The following ZC3H12B variants were observed in gnomAD, a reference collection of about 807,000 sequenced individuals.
The protein encoded by ZC3H12B is zinc finger CCCH-type containing 12B.
Under a neutral mutation model 43.9 loss-of-function variants are expected in ZC3H12B, and 7 were observed. That is an observed-to-expected ratio of 0.16 (90% CI 0.09 to 0.30). The LOEUF (loss-of-function observed/expected upper bound fraction) is 0.30. ZC3H12B is among the 10% of genes least tolerant of loss of function. ZC3H12B has a pLI of 1.00. For missense variants in ZC3H12B, 475 were observed against 670.2 expected, an observed-to-expected ratio of 0.71 and a Z score of 3.22; for synonymous variants, 222 against 241.7, an observed-to-expected ratio of 0.92 and a Z score of 0.76.
the ZC3H12B span, among the ~76,000 whole-genome samples, chrX:65,246,358 G>C: frequency 1.8e-5 from 2 of 112,126 alleles, no homozygotes; most frequent in Non-Finnish European, 3.8e-5. Flanking sequence ...TTGATTCAAT[G>C]CTATTTTTAT....
chrX:65,354,079 A>C, the ZC3H12B span, among the ~76,000 whole-genome samples: 2 of 111,835 alleles, frequency 1.8e-5, no homozygotes, highest in Non-Finnish European at 3.8e-5. Flanking sequence ...CTTTGAAGGG[A>C]GAGCACCAGA....
the ZC3H12B span, among the ~76,000 whole-genome samples, chrX:65,179,559 G>GT: frequency 2.7e-5 from 3 of 110,341 alleles, no homozygotes; most frequent in South Asian, 3.9e-4. Flanking sequence ...TAGGAGCTGG[G>GT]TTTTTTAAAA....
At chrX:65,277,508 G>C in the ZC3H12B span, among the ~76,000 whole-genome samples, 2 of 111,589 alleles carry the variant, frequency 1.8e-5, no homozygotes, top group Non-Finnish European at 3.8e-5. Context: ...TCAAAATCAT[G>C]TCAAATATAT....
At chrX:65,158,569 T>C in the ZC3H12B span, among the ~76,000 whole-genome samples, 1 of 112,226 alleles carries the variant, frequency 8.9e-6, no homozygotes, top group Non-Finnish European at 1.9e-5. Flanking sequence ...ATAAATGTCT[T>C]CTTTTGAGAA....
At chrX:65,310,613 C>T in the ZC3H12B span, among the ~76,000 whole-genome samples, 1 of 111,887 alleles carries the variant, frequency 8.9e-6, no homozygotes, top group Non-Finnish European at 1.9e-5. Context: ...ATCAAGCTAC[C>T]AATGACTTTC....
chrX:65,451,531 G>A (rs1260043878), intron 3 of ZC3H12B, among the ~76,000 whole-genome samples: 4 of 110,385 alleles, frequency 3.6e-5, no homozygotes, highest in African/African-American at 1.3e-4. Context: ...TGTAGATATG[G>A]AGGTATCACT....
chrX:65,193,125 C>A, the ZC3H12B span, among the ~76,000 whole-genome samples: 1 of 81,310 alleles, frequency 1.2e-5, no homozygotes, highest in Non-Finnish European at 2.4e-5. Flanking sequence ...TTTTTTTTTT[C>A]TTTTAATGTG....
At chrX:65,200,426 CTTTTTT>C in the ZC3H12B span, among the ~76,000 whole-genome samples, 4 of 59,594 alleles carry the variant, frequency 6.7e-5, no homozygotes, top group African/African-American at 9.1e-5. Flanking sequence ...ATAGTTTCCT[CTTTTTT>C]TTTTTTTTTT....
At chrX:65,148,727 G>A in the ZC3H12B span, among the ~76,000 whole-genome samples, 1 of 111,677 alleles carries the variant, frequency 9.0e-6, no homozygotes, top group African/African-American at 3.3e-5. Flanking sequence ...TGTCTTTACT[G>A]CCCTTTTATT....
chrX:65,407,468 T>A (rs1186683930), intron 3 of ZC3H12B, among the ~76,000 whole-genome samples: 1 of 111,382 alleles, frequency 9.0e-6, no homozygotes, highest in Non-Finnish European at 1.9e-5. Flanking sequence ...CCTCAACCTC[T>A]CTCCCTTTTG....
chrX:65,329,758 T>A, the ZC3H12B span, among the ~76,000 whole-genome samples: 2 of 111,794 alleles, frequency 1.8e-5, no homozygotes, highest in Non-Finnish European at 3.8e-5. Flanking sequence ...AGTTTCAGCT[T>A]TCTACATATG....
chrX:65,159,346 A>C, the ZC3H12B span, among the ~76,000 whole-genome samples: 1 of 111,478 alleles, frequency 9.0e-6, no homozygotes, highest in Non-Finnish European at 1.9e-5. Flanking sequence ...TGAATCTATA[A>C]ATTACCTTGG....
At chrX:65,211,847 A>T in the ZC3H12B span, among the ~76,000 whole-genome samples, 10 of 79,388 alleles carry the variant, frequency 1.3e-4, no homozygotes, top group African/African-American at 4.1e-4. Context: ...AATATATAAT[A>T]TATGTTATGT....
the ZC3H12B span, among the ~76,000 whole-genome samples, chrX:65,347,481 A>G: frequency 1.8e-5 from 2 of 112,488 alleles, no homozygotes; most frequent in East Asian, 5.6e-4. Context: ...AGACACATGA[A>G]AAAATGCTCA....
the ZC3H12B span, among the ~76,000 whole-genome samples, chrX:65,051,190 A>C: frequency 9.0e-6 from 1 of 111,700 alleles, no homozygotes; most frequent in African/African-American, 3.2e-5. Context: ...TTTCTGTGGC[A>C]TCAGTTTTTA....
At chrX:65,451,227 G>C (rs142344223) in intron 3 of ZC3H12B, among the ~76,000 whole-genome samples, 1 of 110,817 alleles carries the variant, frequency 9.0e-6, no homozygotes, top group Non-Finnish European at 1.9e-5. Flanking sequence ...TGGGATTACA[G>C]GTGTGAGCCA....
At chrX:65,257,907 A>G in the ZC3H12B span, among the ~76,000 whole-genome samples, 2 of 111,524 alleles carry the variant, frequency 1.8e-5, no homozygotes, top group African/African-American at 6.5e-5. Flanking sequence ...ACCAACTGGA[A>G]GAAGCCCAAG....
chrX:65,037,766 T>G, the ZC3H12B span, among the ~76,000 whole-genome samples: 3 of 110,976 alleles, frequency 2.7e-5, no homozygotes, highest in Non-Finnish European at 5.7e-5. Context: ...TTAGGGAAAT[T>G]TTATAAGCAA....
the ZC3H12B span, among the ~76,000 whole-genome samples, chrX:65,319,766 A>G: frequency 1.8e-5 from 2 of 111,966 alleles, no homozygotes; most frequent in Non-Finnish European, 3.8e-5. Context: ...AATTAGGAAC[A>G]ACATACACAA....
Sources: gnomAD v4.1 joint callset for allele counts (sites outside exome capture counted in the v4.1 genomes callset) on GRCh38, gnomAD v4.1.1 for gene constraint, MANE v1.5 for transcripts, NCBI Gene and HGNC (gene_info 2026-07-23, HGNC 2026-07-21) for gene names.